CSRNP1: variants seen among roughly 807,000 people sequenced by gnomAD.
CSRNP1 encodes cysteine and serine rich nuclear protein 1.
A neutral mutation model predicts 25.0 loss-of-function variants in CSRNP1; 8 were observed. The observed-to-expected ratio is 0.32, with a 90% CI of 0.19 to 0.58. The LOEUF is 0.58. Among genes scored for constraint, CSRNP1 ranks in the 20% least tolerant of loss-of-function variants. The probability of loss-of-function intolerance (pLI) is 0.88; values close to 1 mark genes in which losing one functional copy is unlikely to be tolerated. For synonymous variants in CSRNP1, 305 were observed against 303.1 expected (o/e 1.01, Z -0.06); for missense variants, 691 against 773.1 (o/e 0.89, Z 1.26).
Position 39,143,748 on chromosome 3 carries a change from A to T in CSRNP1, c.1077T>A (p.Ser359=). The change falls in exon 5 of 5, where the codon TCT becomes TCA. Residue 359 remains serine, a synonymous_variant. Transcript: ENST00000273153. ...CCTCACTAGTGCCCGATGCTGATGAAGATGCTGTAGAAGAATCAGTCATGT... is the reference window on the plus strand; with the variant it reads ...CCTCACTAGTGCCCGATGCTGATGATGATGCTGTAGAAGAATCAGTCATGT... The part of the protein sequence containing the change: ...SSDMTDSSTA[S]SSASGTSEAP... The T allele has an allele frequency of 4.3e-6, 7 of 1,614,082 alleles. No homozygotes were observed. The highest frequency in any genetic ancestry group is 5.9e-6 in the Non-Finnish European group (7 of 1,179,966).
intron 1 of CSRNP1, chr3:39,150,550 T>C (rs2039566622): frequency 1.3e-5 from 2 of 152,364 alleles, no homozygotes; most frequent in East Asian, 1.9e-4. Flanking sequence ...ATCCCCCAGC[T>C]GTGCCAGAGG....
rs1228524190 is a variant in CSRNP1 at position 39,144,218 on chromosome 3, G to C, written c.699C>G (p.Ser233=). The stretch of plus-strand genomic sequence containing the variant: ...CGCAGTGACAGCCACAATCCTCCCG[G>C]GATTGGCGCAGTGCCTGCAGCTCCC... ...EKRELQALRQ[S]REDCGCHCDR... is the part of the protein sequence containing the mutation. The change falls in exon 4 of 5, where the codon TCC becomes TCG. Residue 233 remains serine, a synonymous_variant. Transcript: ENST00000273153. 6.2e-7 allele frequency: 1 copy of C among 1,614,164 alleles called. No individual in the cohort carries two copies. Among genetic ancestry groups the C allele is most frequent in the South Asian group, 1.1e-5 (1 of 91,082 alleles).
chr3:39,142,319 G>C lies in CSRNP1; in HGVS notation c.*736C>G, dbSNP rs1409666995. On this transcript the variant is annotated 3_prime_UTR_variant, in exon 5 of 5. Coordinates refer to ENST00000273153, the MANE Select transcript of CSRNP1 (RefSeq NM_033027.4). Reference sequence around the variant, plus strand: ...AGAGGGCAGGAAGTGGAGGGGGCAGGGTGGGGCAGAAGGGAGTTTTGGTCA... The same window carrying C: ...AGAGGGCAGGAAGTGGAGGGGGCAGCGTGGGGCAGAAGGGAGTTTTGGTCA... The C allele has an allele frequency of 6.6e-6, 1 of 152,464 alleles. No individual in the cohort carries two copies. Among genetic ancestry groups the C allele is most frequent in the African/African-American group, 2.4e-5 (1 of 41,480 alleles). The allele number at this position is 152,464 out of a possible 1,614,324, so 9.4% of individuals were successfully genotyped here. A position where few individuals can be genotyped will look rare whatever the true frequency, so the allele number is the denominator to read the frequency against.
chr3:39,144,467 A>G lies in CSRNP1; in HGVS notation c.466-16T>C. The G allele has an allele frequency of 6.3e-7, 1 of 1,586,262 alleles. No homozygotes were observed. Among genetic ancestry groups the G allele is most frequent in the Non-Finnish European group, 8.6e-7 (1 of 1,167,686 alleles). ...CTGCCGAAAGCTGCATCCACAGGAAAGAGGGATGTAAGAAGCACAGACATG... is the reference window on the plus strand; with the variant it reads ...CTGCCGAAAGCTGCATCCACAGGAAGGAGGGATGTAAGAAGCACAGACATG... On this transcript the variant is annotated splice_polypyrimidine_tract_variant and intron_variant, in intron 3 of 4. Coordinates refer to ENST00000273153, the MANE Select transcript of CSRNP1 (RefSeq NM_033027.4).
At chr3:39,154,144 T>G (rs1468390868), upstream of CSRNP1, 1 of 152,160 alleles carries the variant, frequency 6.6e-6, no homozygotes, top group Non-Finnish European at 1.5e-5. Flanking sequence ...ATCTGGGGTG[T>G]GTGGGGAGCG....
Position 39,143,981 on chromosome 3 carries a change from C to A in CSRNP1, c.844G>T (p.Val282Leu). ...REGCENPMGR[V>L]EFNQARVQTH... is the part of the protein sequence containing the mutation. ...TGAACTCTTGCCTGATTAAATTCCACACGGCCCATGGGGTTCTCACAGCCC... is the reference window on the plus strand; with the variant it reads ...TGAACTCTTGCCTGATTAAATTCCAAACGGCCCATGGGGTTCTCACAGCCC... Residue 282 changes from valine (V) to leucine (L), a missense_variant, in exon 5 of 5, where the codon GTG becomes TTG. By Grantham distance (32) the Val-to-Leu change is conservative. Transcript: ENST00000273153. The A allele has an allele frequency of 6.2e-7, 1 of 1,614,008 alleles. No individual in the cohort carries two copies. The highest frequency in any genetic ancestry group is 8.5e-7 in the Non-Finnish European group (1 of 1,180,028).
rs1350000799 is a variant in CSRNP1 at position 39,143,434 on chromosome 3, C to T, written c.1391G>A (p.Cys464Tyr). 2.5e-6 allele frequency: 4 copies of T among 1,614,020 alleles called. No individual in the cohort carries two copies. The highest frequency in any genetic ancestry group is 3.4e-6 in the Non-Finnish European group (4 of 1,179,972). ...CCCTTCAAGGCCACCATTTAGGAAG[C>T]AGCTGGCATCCAGGTTGGCATTCTC... ...LDENANLDAS[C>Y]FLNGGLEGSR... The change falls in exon 5 of 5, where the codon TGC becomes TAC. Residue 464 changes from cysteine to tyrosine, a missense_variant. Transcript: ENST00000273153.
At chr3:39,146,445 G>C (rs1170533920) in intron 2 of CSRNP1, 33 bp downstream of exon 2, 1 of 1,492,306 alleles carries the variant, frequency 6.7e-7, no homozygotes, top group East Asian at 2.5e-5. Context: ...AAGGCAGGCA[G>C]GTGATGGAGT....
In CSRNP1 at chr3:39,142,823, TG is replaced by T. The variant is rs573912089; in HGVS notation, c.*231del. 3 of 426,652 alleles carry T rather than the reference TG, an allele frequency of 7.0e-6. No individual in the cohort carries two copies. Among genetic ancestry groups the T allele is most frequent in the Non-Finnish European group, 8.3e-6 (2 of 241,218 alleles). 26.4% of individuals were successfully genotyped at this position (426,652 alleles called of 1,614,324 possible). Reference sequence around the variant, plus strand: ...GAGATAGAAGAGCAAGCTGTGGGTGTGGGGGGCCGGGCAGCTGAAAGGGGAA... The same window carrying T: ...GAGATAGAAGAGCAAGCTGTGGGTGTGGGGGCCGGGCAGCTGAAAGGGGAA... On this transcript the variant is annotated 3_prime_UTR_variant, in exon 5 of 5. Transcript: ENST00000273153.
chr3:39,147,512 CAAG>C (rs1052155648), intron 1 of CSRNP1, among the ~76,000 whole-genome samples: 36 of 152,222 alleles, frequency 2.4e-4, no homozygotes, highest in African/African-American at 7.5e-4. Flanking sequence ...GCTCCACTGT[CAAG>C]AAGTCTCCTG....
At position 39,143,109 on chromosome 3, in the gene CSRNP1, G is replaced by C. The variant is rs1001697783; in HGVS notation, c.1716C>G (p.Asp572Glu). Residue 572 changes from aspartate to glutamate, a missense_variant, in exon 5 of 5, where the codon GAC (aspartate) becomes GAG (glutamate). Coordinates refer to ENST00000273153, the MANE Select transcript of CSRNP1 (RefSeq NM_033027.4). Reference sequence around the variant, plus strand: ...CTGGGACAGTGTCCTCAAACTGGCTGTCAATAAAGGGATCTAGGGCTTCGG... The same window carrying C: ...CTGGGACAGTGTCCTCAAACTGGCTCTCAATAAAGGGATCTAGGGCTTCGG... ...PAAEALDPFI[D>E]SQFEDTVPAS... is the part of the protein sequence containing the mutation. 6 of 1,611,150 alleles carry C rather than the reference G, an allele frequency of 3.7e-6. No homozygotes were observed. The Admixed American group carries it at 5.0e-5, about 13-fold the overall frequency.
chr3:39,154,191 G>A (rs1452116376), upstream of CSRNP1: 1 of 152,224 alleles, frequency 6.6e-6, no homozygotes, highest in East Asian at 1.9e-4. Flanking sequence ...TGTAATCAGT[G>A]GGCCTGAACT....
chr3:39,153,758 C>T (rs2039619910), upstream of CSRNP1: 2 of 151,538 alleles, frequency 1.3e-5, no homozygotes, highest in African/African-American at 2.4e-5. Context: ...CTGGGGGCCT[C>T]CCTGCGGACT....
intron 1 of CSRNP1, chr3:39,152,961 C>A (rs2039604631): frequency 6.6e-6 from 1 of 152,576 alleles, no homozygotes; most frequent in East Asian, 1.9e-4. Context: ...CCCTGACCCC[C>A]GCCGGCCGGG....
rs1553689795 is a variant in CSRNP1, at chr3:39,147,235, G to GTGTA, written c.-40-514_-40-513insTACA. Among the ~76,000 whole-genome samples, 1,268 of 149,464 alleles carry GTGTA rather than the reference G, an allele frequency of 8.5e-3. 11 individuals are homozygous for GTGTA. The highest frequency in any genetic ancestry group is 0.021 in the Middle Eastern group (6 of 290). On this transcript the variant is annotated intron_variant, in intron 1 of 4. Coordinates refer to ENST00000273153, the MANE Select transcript of CSRNP1 (RefSeq NM_033027.4). ...CCTGTGTGTGTGTGTGTGTGTGTGT[G>GTGTA]TATGTGTGTGTGTGTACGCCCTACA...
chr3:39,146,692 G>A lies in CSRNP1; in HGVS notation c.-10C>T, dbSNP rs750159246. The A allele has an allele frequency of 2.8e-5, 44 of 1,556,546 alleles. No homozygotes were observed. Among genetic ancestry groups the A allele is most frequent in the Admixed American group, 5.8e-5 (3 of 51,624 alleles). ...TCAACAGCCCAGTCATGGTGGTGCC[G>A]GACGTGCTCTGGGGTCTGGGGACAG... is the stretch of plus-strand genomic sequence containing the variant. On this transcript the variant is annotated 5_prime_UTR_variant, in exon 2 of 5. Coordinates refer to ENST00000273153, the MANE Select transcript of CSRNP1 (RefSeq NM_033027.4).
chr3:39,148,238 C>T (rs187949702), intron 1 of CSRNP1: 3 of 151,960 alleles, frequency 2.0e-5, no homozygotes, highest in Admixed American at 1.3e-4. Context: ...GTTTCTCAGG[C>T]TTGGCACCCC....
rs2039441390 is a variant in CSRNP1, at chr3:39,143,254, T to A, written c.1571A>T (p.Lys524Met). The stretch of plus-strand genomic sequence containing the variant: ...GATGTTGTCCAGGCTGTCAGACACC[T>A]TCTGTGATGTGTAGTGAGGCCCCAG... ...YSLGPHYTSQ[K>M]VSDSLDNIEA... Residue 524 changes from lysine (K) to methionine (M), a missense_variant, in exon 5 of 5, where the codon AAG becomes ATG. Lys to Met is a moderately conservative substitution (Grantham distance 95). Coordinates refer to ENST00000273153, the MANE Select transcript of CSRNP1 (RefSeq NM_033027.4). 4 of 1,614,026 alleles carry A rather than the reference T, an allele frequency of 2.5e-6. No individual in the cohort carries two copies. The African/African-American group carries it at 4.0e-5, about 16-fold the overall frequency.
At chr3:39,152,882 G>C (rs994109531) in intron 1 of CSRNP1, 2 of 152,392 alleles carry the variant, frequency 1.3e-5, no homozygotes, top group African/African-American at 4.8e-5. Context: ...GTGAGCCTAC[G>C]ACACAATCCC....
Sources: allele counts gnomAD v4.1 joint callset (sites outside exome capture counted in the v4.1 genomes callset), GRCh38; gene constraint gnomAD v4.1.1; transcripts MANE v1.5; gene names NCBI Gene and HGNC (gene_info 2026-07-23, HGNC 2026-07-21).